The following SDK2 variants were observed in gnomAD, a reference collection of about 807,000 sequenced individuals.
SDK2 encodes sidekick cell adhesion molecule 2.
A neutral mutation model predicts 253.9 loss-of-function variants in SDK2; 105 were observed. The observed-to-expected ratio is 0.41, with a 90% CI of 0.35 to 0.49. SDK2 has a LOEUF of 0.49. SDK2 is among the 20% of genes least tolerant of loss of function. The pLI is 0.06. For synonymous variants in SDK2, 1,249 were observed against 1,234.9 expected (o/e 1.01, Z -0.24); for missense variants, 2,608 against 3,003.0 (o/e 0.87, Z 3.07).
intron 27 of SDK2, among the ~76,000 whole-genome samples, chr17:73,392,263 AT>A (rs2145500428): frequency 6.9e-6 from 1 of 144,036 alleles, no homozygotes; most frequent in African/African-American, 2.6e-5. Context: ...GATGTCTGAG[AT>A]TTCCAAACTT....
rs1447517516 is a variant in SDK2, at chr17:73,350,318, C to G, written c.5957G>C (p.Ser1986Thr). 1 of 1,598,796 alleles carries G rather than the reference C, an allele frequency of 6.3e-7. No individual in the cohort carries two copies. Among genetic ancestry groups the G allele is most frequent in the Non-Finnish European group, 8.5e-7 (1 of 1,173,428 alleles). The change falls in exon 43 of 45, where the codon AGC (serine) becomes ACC (threonine). Residue 1986 changes from serine to threonine, a missense_variant. This residue lies in a region of SDK2 where 1,103 missense variants were observed against 1,143.9 expected (regional missense o/e 0.96). Coordinates refer to ENST00000392650, the MANE Select transcript of SDK2 (RefSeq NM_001144952.2). ...GHSEMMSLDE[S>T]SFPALELNNR... Reference sequence around the variant, plus strand: ...GTTGAGTTCCAGGGCAGGGAAGCTGCTTTCATCCAAGCTCATCATCTCGCT... The same window carrying G: ...GTTGAGTTCCAGGGCAGGGAAGCTGGTTTCATCCAAGCTCATCATCTCGCT...
chr17:73,633,559 A>T (rs1484611313), intron 1 of SDK2, among the ~76,000 whole-genome samples: 2 of 152,234 alleles, frequency 1.3e-5, no homozygotes, highest in East Asian at 3.9e-4. Context: ...ACACAGAGTC[A>T]TGAACTTGTT....
chr17:73,393,428 T>A (rs1243017760), intron 27 of SDK2, 132 bp downstream of exon 27: 2 of 703,338 alleles, frequency 2.8e-6, no homozygotes, highest in Non-Finnish European at 4.3e-6. Context: ...GGGTGACCCA[T>A]CCCTACCGGA....
chr17:73,628,947 G>C (rs2046236275), intron 1 of SDK2, among the ~76,000 whole-genome samples: 1 of 152,180 alleles, frequency 6.6e-6, no homozygotes, highest in South Asian at 2.1e-4. Flanking sequence ...AGCTGGAGAA[G>C]CCAGATCATG....
In SDK2 at chr17:73,482,828, G is replaced by A. The variant is rs1374262929; in HGVS notation, c.225-10610C>T. 8.5e-5 allele frequency among the ~76,000 whole-genome samples: 13 copies of A among 152,356 alleles called. No individual in the cohort carries two copies. In the East Asian group the frequency reaches 2.5e-3, roughly 29 times the overall value. ...CTCCTGGGTGAGCGGGACTCCCACT[G>A]CTTGAGAAAATAAGCAGGGATCCCT... is the stretch of plus-strand genomic sequence containing the variant. On this transcript the variant is annotated intron_variant, in intron 2 of 44. Transcript: ENST00000392650.
In SDK2 at chr17:73,556,436, G is replaced by A. The variant is rs149836479; in HGVS notation, c.65-48839C>T. On this transcript the variant is annotated intron_variant, in intron 1 of 44. Coordinates refer to ENST00000392650, the MANE Select transcript of SDK2 (RefSeq NM_001144952.2). ...CAATGGCTCTCTCTTGGCTTCCTCC[G>A]AAGAGCCAGGTATGTCTGGGCAGCC... 2.6e-5 allele frequency among the ~76,000 whole-genome samples: 4 copies of A among 152,262 alleles called. No homozygotes were observed. In the East Asian group the frequency reaches 7.7e-4, roughly 29 times the overall value.
Position 73,394,319 on chromosome 17 carries a change from A to G in SDK2, c.3598T>C (p.Ser1200Pro). Residue 1200 changes from serine (S) to proline (P), a missense_variant, in exon 26 of 45, where the codon TCT (serine) becomes CCT (proline). Transcript: ENST00000392650. ...VVGRTRESVP[S>P]SGPTNVSALA... The stretch of plus-strand genomic sequence containing the variant: ...GCAGACACATTGGTGGGGCCGGAAG[A>G]GGGAACTGTGGGGGAAAGGGAGTGG... The G allele has an allele frequency of 6.3e-7, 1 of 1,577,062 alleles. No individual in the cohort carries two copies.
At chr17:73,503,713 G>A (rs1378338574) in intron 2 of SDK2, among the ~76,000 whole-genome samples, 1 of 152,166 alleles carries the variant, frequency 6.6e-6, no homozygotes, top group Non-Finnish European at 1.5e-5. Flanking sequence ...TAGTGTGAGG[G>A]CTGCCAATCC....
chr17:73,624,072 C>A (rs2046169679), intron 1 of SDK2, among the ~76,000 whole-genome samples: 1 of 152,230 alleles, frequency 6.6e-6, no homozygotes, highest in South Asian at 2.1e-4. Context: ...CCCCTCACTG[C>A]TGGCTGGAGC....
chr17:73,644,055 G>C lies in SDK2; in HGVS notation c.34C>G (p.Leu12Val). 6.5e-7 allele frequency: 1 copy of C among 1,548,734 alleles called. No homozygotes were observed. The highest frequency in any genetic ancestry group is 8.7e-7 in the Non-Finnish European group (1 of 1,145,402). ...WGLLIWTLLALHQIRAARAQD... is the reference protein window; with the variant it reads ...WGLLIWTLLAVHQIRAARAQD... ...GCTCTGGCCGCGCGGATCTGATGCA[G>C]AGCTAGCAGTGTCCAGATCAAAAGC... The change falls in exon 1 of 45, where the codon CTG becomes GTG. Residue 12 changes from leucine (L) to valine (V), a missense_variant. Transcript: ENST00000392650. This position sits in a 1 kb window ranked among gnomAD's most constrained non-coding sequence, Gnocchi z 6.3.
In SDK2 at chr17:73,348,611, G is replaced by A. The variant is rs1211580234; in HGVS notation, c.6153C>T (p.Ile2051=). Residue 2051 remains isoleucine, a synonymous_variant, in exon 44 of 45, where the codon ATC becomes ATT. Coordinates refer to ENST00000392650, the MANE Select transcript of SDK2 (RefSeq NM_001144952.2). ...SSSLTEKPSE[I]SDSQGSDSEY... Reference sequence around the variant, plus strand: ...CTCCTGCCCTCACCTGAGAGTCGGAGATTTCTGAGGGCTTCTCCGTCAGGC... The same window carrying A: ...CTCCTGCCCTCACCTGAGAGTCGGAAATTTCTGAGGGCTTCTCCGTCAGGC... 6.2e-6 allele frequency: 10 copies of A among 1,612,824 alleles called. No homozygotes were observed. Among genetic ancestry groups the A allele is most frequent in the Non-Finnish European group, 7.6e-6 (9 of 1,179,712 alleles).
chr17:73,633,897 G>A (rs1049477615), intron 1 of SDK2, among the ~76,000 whole-genome samples: 1 of 152,138 alleles, frequency 6.6e-6, no homozygotes, highest in Non-Finnish European at 1.5e-5. Context: ...AGAAAGGAAG[G>A]TGCTATTGGG....
At chr17:73,518,142 G>T (rs540264529) in intron 1 of SDK2, 3 of 152,222 alleles carry the variant, frequency 2.0e-5, no homozygotes, top group Non-Finnish European at 4.4e-5. Flanking sequence ...GGACCAGCGG[G>T]TCCCTCCCTT....
intron 1 of SDK2, among the ~76,000 whole-genome samples, chr17:73,626,942 T>C (rs1421415582): frequency 6.6e-6 from 1 of 152,146 alleles, no homozygotes; most frequent in East Asian, 1.9e-4. Flanking sequence ...CCCTTCTCCA[T>C]CTTGGCCTGC....
rs1165036003 is a variant in SDK2 at position 73,545,978 on chromosome 17, A to G, written c.65-38381T>C. Among the ~76,000 whole-genome samples, 3 of 152,000 alleles carry G rather than the reference A, an allele frequency of 2.0e-5. No individual in the cohort carries two copies. The East Asian group carries it at 5.8e-4, about 29-fold the overall frequency. On this transcript the variant is annotated intron_variant, in intron 1 of 44. Transcript: ENST00000392650. ...AGCAAGGAGGCTTGTGCAACCCGGG[A>G]CTCAGATGAGGCCAATCCCTACATA...
intron 18 of SDK2, among the ~76,000 whole-genome samples, chr17:73,406,125 T>A (rs927791809): frequency 6.6e-6 from 1 of 152,160 alleles, no homozygotes; most frequent in African/African-American, 2.4e-5. Context: ...GGGGGAATAA[T>A]GACAAAAAAC....
chr17:73,548,978 C>T (rs976521651), intron 1 of SDK2, among the ~76,000 whole-genome samples: 3 of 152,228 alleles, frequency 2.0e-5, no homozygotes, highest in Admixed American at 2.0e-4. Flanking sequence ...CACTCAGAGT[C>T]TCAATGACAA....
chr17:73,424,045 G>C lies in SDK2; in HGVS notation c.1631C>G (p.Pro544Arg). The change falls in exon 13 of 45, where the codon CCT becomes CGT. Residue 544 changes from proline to arginine, a missense_variant. By Grantham distance (103) the Pro-to-Arg change is moderately radical. Coordinates refer to ENST00000392650, the MANE Select transcript of SDK2 (RefSeq NM_001144952.2). ...GCCGTTTCTGTCCAGGCGGATACGA[G>C]GATGGCTCTCCGTGCCCAGGGTGGC... ...DGATLGTESH[P>R]RIRLDRNGSL... The C allele has an allele frequency of 6.2e-7, 1 of 1,613,054 alleles. No homozygotes were observed. Among genetic ancestry groups the C allele is most frequent in the East Asian group, 2.2e-5 (1 of 44,858 alleles).
Position 73,455,807 on chromosome 17 carries a change from A to G in SDK2, c.479+99T>C. ...CAGGAGCTGAAAGGGGCTTCTGCAC[A>G]AAGGCCCTCCTCCACACTCAAGGGA... On this transcript the variant is annotated intron_variant, in intron 4 of 44. Transcript: ENST00000392650. This position sits in a 1 kb window ranked among gnomAD's most constrained non-coding sequence, Gnocchi z 5.0. The G allele has an allele frequency of 7.5e-7, 1 of 1,336,286 alleles. No homozygotes were observed. Among genetic ancestry groups the G allele is most frequent in the Non-Finnish European group, 9.9e-7 (1 of 1,006,412 alleles). 82.8% of individuals were successfully genotyped at this position (1,336,286 alleles called of 1,614,324 possible). A position where few individuals can be genotyped will look rare whatever the true frequency, so the allele number is the denominator to read the frequency against.
Sources: gnomAD v4.1 joint callset for allele counts (sites outside exome capture counted in the v4.1 genomes callset) on GRCh38, gnomAD v4.1.1 for gene constraint, gnomAD v4.1.1 regional missense constraint, Gnocchi (gnomAD v3.1) non-coding constraint, MANE v1.5 for transcripts, NCBI Gene and HGNC (gene_info 2026-07-23, HGNC 2026-07-21) for gene names.